NTN4: variants seen among roughly 807,000 people sequenced by gnomAD.
NTN4 encodes the protein netrin 4.
Under a neutral mutation model 73.6 loss-of-function variants are expected in NTN4, and 32 were observed. The ratio of observed to expected loss-of-function variants is 0.44; its 90% CI spans 0.33 to 0.58. The LOEUF (loss-of-function observed/expected upper bound fraction) is 0.58, where lower values mean the gene tolerates loss of function less well. NTN4 is among the 20% of genes least tolerant of loss of function. The probability of loss-of-function intolerance (pLI) is 0.04; values close to 1 mark genes in which losing one functional copy is unlikely to be tolerated. For synonymous variants in NTN4, 258 were observed against 287.5 expected (o/e 0.90, Z 1.04); for missense variants, 654 against 798.3 (o/e 0.82, Z 2.18).
At chr12:95,691,412 T>C (rs2078400414) in intron 5 of NTN4, among the ~76,000 whole-genome samples, 1 of 152,240 alleles carries the variant, frequency 6.6e-6, no homozygotes, top group South Asian at 2.1e-4. Context: ...TGTTTGTTTT[T>C]TGAGACAGAG....
At chr12:95,726,701 G>A (rs539634978) in intron 3 of NTN4, among the ~76,000 whole-genome samples, 16 of 152,264 alleles carry the variant, frequency 1.1e-4, no homozygotes, top group African/African-American at 3.6e-4. Flanking sequence ...GGTGGTTCAC[G>A]CCTGTAATCC....
At chr12:95,757,986 T>C (rs2078959226) in intron 2 of NTN4, among the ~76,000 whole-genome samples, 1 of 152,154 alleles carries the variant, frequency 6.6e-6, no homozygotes, top group South Asian at 2.1e-4. Flanking sequence ...TATTCATTCA[T>C]CAGTTGATGG....
chr12:95,787,554 A>T, intron 1 of NTN4, 86 bp from the exon 2 acceptor site: 1 of 1,364,386 alleles, frequency 7.3e-7, no homozygotes, highest in Non-Finnish European at 1.0e-6. Flanking sequence ...ACAGTCAAGG[A>T]TCTCCCCAAA....
At chr12:95,790,925 GCC>G (rs1178584114), upstream of NTN4, among the ~76,000 whole-genome samples, 5 of 80,666 alleles carry the variant, frequency 6.2e-5, no homozygotes, top group African/African-American at 2.3e-4. This position sits in a 1 kb window ranked among gnomAD's most constrained non-coding sequence, Gnocchi z 6.5. Flanking sequence ...TGCCGCTGCC[GCC>G]CGGGGGGGGG....
intron 2 of NTN4, among the ~76,000 whole-genome samples, chr12:95,748,455 T>G (rs1414822689): frequency 2.7e-5 from 4 of 149,358 alleles, no homozygotes; most frequent in African/African-American, 9.8e-5. Flanking sequence ...ATCACCTCCA[T>G]AGTAAAACCT....
chr12:95,767,087 A>G (rs962465661), intron 2 of NTN4, among the ~76,000 whole-genome samples: 2 of 152,106 alleles, frequency 1.3e-5, no homozygotes, highest in Admixed American at 1.3e-4. Flanking sequence ...TCCACTACCC[A>G]CAGGATTGAG....
At chr12:95,665,570 G>A (rs1224811945) in intron 9 of NTN4, 2 of 313,804 alleles carry the variant, frequency 6.4e-6, no homozygotes, top group Non-Finnish European at 1.2e-5. Flanking sequence ...TCCTCTTTTA[G>A]GATAGAGAGT....
chr12:95,686,742 A>G (rs1418075187), intron 5 of NTN4, among the ~76,000 whole-genome samples: 8 of 148,622 alleles, frequency 5.4e-5, no homozygotes, highest in Non-Finnish European at 8.9e-5. Context: ...TGGGTGACAG[A>G]GCAAGACTCT....
At chr12:95,754,512 T>A (rs1446191158) in intron 2 of NTN4, among the ~76,000 whole-genome samples, 1 of 152,166 alleles carries the variant, frequency 6.6e-6, no homozygotes, top group Non-Finnish European at 1.5e-5. Flanking sequence ...CTTGCACGTA[T>A]ACGCCCAGAT....
At chr12:95,735,451 T>A (rs2078768988) in intron 3 of NTN4, among the ~76,000 whole-genome samples, 1 of 152,102 alleles carries the variant, frequency 6.6e-6, no homozygotes, top group South Asian at 2.1e-4. Context: ...GAAATCAGTA[T>A]GAAAATGGAA....
At chr12:95,675,801 A>C (rs1388601022) in intron 7 of NTN4, among the ~76,000 whole-genome samples, 1 of 152,218 alleles carries the variant, frequency 6.6e-6, no homozygotes, top group East Asian at 1.9e-4. Flanking sequence ...AATAGGACAA[A>C]AAAGAGATCA....
Position 95,659,293 on chromosome 12 carries a change from G to C in NTN4, c.1751-71C>G, listed in dbSNP as rs551981969. 4.1e-6 allele frequency: 5 copies of C among 1,206,716 alleles called. No individual in the cohort carries two copies. The African/African-American group carries it at 6.2e-5, about 15-fold the overall frequency. The allele number at this position is 1,206,716 out of a possible 1,614,324, so 74.8% of individuals were successfully genotyped here. Reference sequence around the variant, plus strand: ...GAAGGGAGAGATGTGACTCCAGCAGGTTTTCTTTTGCATTTATTTTGAGAC... The same window carrying C: ...GAAGGGAGAGATGTGACTCCAGCAGCTTTTCTTTTGCATTTATTTTGAGAC... On this transcript the variant is annotated intron_variant, in intron 9 of 9. Coordinates refer to ENST00000343702, the MANE Select transcript of NTN4 (RefSeq NM_021229.4).
At chr12:95,759,255 T>A (rs560320491) in intron 2 of NTN4, among the ~76,000 whole-genome samples, 55 of 150,646 alleles carry the variant, frequency 3.7e-4, no homozygotes, top group African/African-American at 1.3e-3. Context: ...AGTTTGGAAA[T>A]TTTTTTTTTC....
chr12:95,739,714 C>CA (rs1241625609), intron 2 of NTN4, among the ~76,000 whole-genome samples: 1 of 152,164 alleles, frequency 6.6e-6, no homozygotes, highest in Non-Finnish European at 1.5e-5. Context: ...AAGGACACAC[C>CA]AGTGCTAACC....
intron 3 of NTN4, among the ~76,000 whole-genome samples, chr12:95,733,815 A>G (rs2078755914): frequency 6.6e-6 from 1 of 152,168 alleles, no homozygotes; most frequent in Non-Finnish European, 1.5e-5. Context: ...CATGCCTGTA[A>G]TCCCAGCACT....
chr12:95,750,574 G>A (rs2078898594), intron 2 of NTN4, among the ~76,000 whole-genome samples: 2 of 152,270 alleles, frequency 1.3e-5, no homozygotes, highest in South Asian at 4.1e-4. Context: ...ATAGGCAAAT[G>A]GTCTGAGGTG....
intron 8 of NTN4, among the ~76,000 whole-genome samples, chr12:95,668,139 A>C (rs1479208227): frequency 6.8e-6 from 1 of 148,128 alleles, no homozygotes; most frequent in Non-Finnish European, 1.5e-5. Context: ...CAAGTAAGTC[A>C]AGTGTTTTTT....
At chr12:95,670,369 A>G (rs954345234) in intron 7 of NTN4, 1 of 377,836 alleles carries the variant, frequency 2.6e-6, no homozygotes, top group Non-Finnish European at 4.7e-6. Flanking sequence ...AGAAATACAG[A>G]AGGTAGAAAC....
chr12:95,721,282 T>G (rs556716497), intron 3 of NTN4, among the ~76,000 whole-genome samples: 1 of 152,310 alleles, frequency 6.6e-6, no homozygotes, highest in South Asian at 2.1e-4. Context: ...GTTCTGTGCT[T>G]GAATGGATTA....
Sources: allele counts gnomAD v4.1 joint callset (sites outside exome capture counted in the v4.1 genomes callset), GRCh38; gene constraint gnomAD v4.1.1; non-coding constraint Gnocchi (gnomAD v3.1); transcripts MANE v1.5; gene names NCBI Gene and HGNC (gene_info 2026-07-23, HGNC 2026-07-21).